The following ANKRD12 variants were observed in gnomAD, a reference collection of about 807,000 sequenced individuals.
ANKRD12 encodes ankyrin repeat domain-containing protein 12.
A neutral mutation model predicts 183.4 loss-of-function variants in ANKRD12; 85 were observed. The ratio of observed to expected loss-of-function variants is 0.46; its 90% CI spans 0.39 to 0.56. ANKRD12 has a LOEUF of 0.56. Among genes scored for constraint, ANKRD12 ranks in the 20% least tolerant of loss-of-function variants. The pLI is 0.00. For synonymous variants in ANKRD12, 914 were observed against 800.2 expected (o/e 1.14, Z -2.40); for missense variants, 2,405 against 2,357.1 (o/e 1.02, Z -0.42).
At chr18:9,186,896 T>C (rs1010458744) in intron 2 of ANKRD12, among the ~76,000 whole-genome samples, 2 of 151,456 alleles carry the variant, frequency 1.3e-5, no homozygotes, top group African/African-American at 4.9e-5. Flanking sequence ...GGACTACAGG[T>C]GCCCGCCACC....
At chr18:9,152,976 C>T (rs2078732420) in intron 1 of ANKRD12, among the ~76,000 whole-genome samples, 1 of 151,930 alleles carries the variant, frequency 6.6e-6, no homozygotes, top group Non-Finnish European at 1.5e-5. Context: ...CCATATGTTA[C>T]ATAATGTCCT....
At chr18:9,156,137 CAAAA>C (rs34154495) in intron 1 of ANKRD12, among the ~76,000 whole-genome samples, 5 of 104,092 alleles carry the variant, frequency 4.8e-5, no homozygotes, top group Admixed American at 1.1e-4. Flanking sequence ...GACTCTGTCT[CAAAA>C]AAAAAAAAAA....
At chr18:9,230,311 A>G (rs1004297761) in intron 8 of ANKRD12, among the ~76,000 whole-genome samples, 10 of 152,180 alleles carry the variant, frequency 6.6e-5, no homozygotes, top group African/African-American at 1.9e-4. Flanking sequence ...TATTTCTGTG[A>G]TATCAGTTGT....
intron 4 of ANKRD12, among the ~76,000 whole-genome samples, chr18:9,206,689 AAT>A (rs1307517516): frequency 1.3e-5 from 2 of 152,042 alleles, no homozygotes; most frequent in African/African-American, 4.8e-5. Context: ...AAATATTTGG[AAT>A]ATATCCAATT....
Position 9,256,311 on chromosome 18 carries a change from A to G in ANKRD12, c.3044A>G (p.Lys1015Arg), listed in dbSNP as rs553050035. The G allele has an allele frequency of 5.6e-6, 9 of 1,596,316 alleles. No homozygotes were observed. Among genetic ancestry groups the G allele is most frequent in the Non-Finnish European group, 7.7e-6 (9 of 1,173,824 alleles). ...GAACCTTTGAAAACTCCAGATGGAA[A>G]AGAAAAAGATAAAAAAGATAAAGAT... is the stretch of plus-strand genomic sequence containing the variant. Reference protein sequence around the residue: ...KDEPLKTPDGKEKDKKDKDID... With the variant: ...KDEPLKTPDGREKDKKDKDID... Residue 1015 changes from lysine (K) to arginine (R), a missense_variant, in exon 9 of 13, where the codon AAA becomes AGA. Lys to Arg is a conservative substitution (Grantham distance 26). Transcript: ENST00000262126.
chr18:9,170,231 C>G (rs545999857), intron 1 of ANKRD12, among the ~76,000 whole-genome samples: 25 of 152,244 alleles, frequency 1.6e-4, no homozygotes, highest in Admixed American at 2.6e-4. Context: ...GTGGCATTCT[C>G]TGTATTTCCT....
intron 10 of ANKRD12, among the ~76,000 whole-genome samples, chr18:9,275,303 A>AAT (rs36011042): frequency 0.38 from 57,321 of 150,214 alleles, 13,641 homozygotes; most frequent in Non-Finnish European, 0.51. Flanking sequence ...TGTCTCTAAA[A>AAT]ATATATATAT....
chr18:9,180,067 A>G (rs150686301), intron 1 of ANKRD12, among the ~76,000 whole-genome samples: 2 of 152,286 alleles, frequency 1.3e-5, no homozygotes, highest in East Asian at 3.9e-4. Context: ...TGAAGCCTCC[A>G]GCTGTAGTTA....
At chr18:9,217,841 A>G (rs2036197888) in intron 7 of ANKRD12, among the ~76,000 whole-genome samples, 1 of 152,118 alleles carries the variant, frequency 6.6e-6, no homozygotes, top group Non-Finnish European at 1.5e-5. Flanking sequence ...TTACTCTGGA[A>G]CTGCTTGTCA....
chr18:9,247,540 A>ATC (rs2038035106), intron 8 of ANKRD12, among the ~76,000 whole-genome samples: 1 of 152,180 alleles, frequency 6.6e-6, no homozygotes, highest in Admixed American at 6.5e-5. Context: ...CTACAATATT[A>ATC]TCATATTTAG....
chr18:9,185,810 C>T (rs1386437951), intron 2 of ANKRD12, among the ~76,000 whole-genome samples: 3 of 152,128 alleles, frequency 2.0e-5, no homozygotes, highest in African/African-American at 4.8e-5. Flanking sequence ...AGAGTCTGCA[C>T]TGCCAAATGC....
rs563008266 is a variant in ANKRD12 at position 9,209,175 on chromosome 18, C to T, written c.451+372C>T. 5.3e-5 allele frequency among the ~76,000 whole-genome samples: 8 copies of T among 152,032 alleles called. No individual in the cohort carries two copies. In the South Asian group the frequency reaches 1.7e-3, roughly 32 times the overall value. ...ATGTTTATTTATATACTGTGTTCTC[C>T]AAAAATAATTGATGATGACTTACCA... On this transcript the variant is annotated intron_variant, in intron 5 of 12. Coordinates refer to ENST00000262126, the MANE Select transcript of ANKRD12 (RefSeq NM_015208.5).
At position 9,256,633 on chromosome 18, in the gene ANKRD12, TAAAGAA is replaced by T; in HGVS notation, c.3370_3375del (p.Glu1124_Lys1125del). 1 of 1,605,740 alleles carries T rather than the reference TAAAGAA, an allele frequency of 6.2e-7. No homozygotes were observed. Among genetic ancestry groups the T allele is most frequent in the South Asian group, 1.1e-5 (1 of 88,664 alleles). ...ACTGTTTAGAACTTAAAATAAAAGATAAAGAAAAAACAAAGCATACACCAACTGAAT... is the reference window on the plus strand; with the variant it reads ...ACTGTTTAGAACTTAAAATAAAAGATAAAACAAAGCATACACCAACTGAAT... On this transcript the variant is annotated inframe_deletion, in exon 9 of 13. Transcript: ENST00000262126.
chr18:9,260,281 A>G (rs778748681), intron 9 of ANKRD12: 1 of 152,222 alleles, frequency 6.6e-6, no homozygotes, highest in Non-Finnish European at 1.5e-5. Context: ...CCTGATAACA[A>G]TAACTGTAAT....
At chr18:9,223,259 C>CTTT (rs35340216) in intron 8 of ANKRD12, among the ~76,000 whole-genome samples, 1 of 144,670 alleles carries the variant, frequency 6.9e-6, no homozygotes, top group Non-Finnish European at 1.5e-5. Flanking sequence ...ACCTCTCTCT[C>CTTT]TTTTTTTTTT....
At chr18:9,171,622 A>G (rs1252935102) in intron 1 of ANKRD12, among the ~76,000 whole-genome samples, 1 of 152,152 alleles carries the variant, frequency 6.6e-6, no homozygotes, top group Non-Finnish European at 1.5e-5. Context: ...CTTTCAAGAC[A>G]ATGATGAATA....
Position 9,285,033 on chromosome 18 carries a change from C to G in ANKRD12, c.*3907C>G, listed in dbSNP as rs552475827. On this transcript the variant is annotated 3_prime_UTR_variant, in exon 13 of 13. Transcript: ENST00000262126. ...CATCCTGGCTAACACGGTGAAACCC[C>G]GTCTCTACTAAACAAAATGCAAAAA... The G allele has an allele frequency of 6.6e-6, 1 of 151,904 alleles. No individual in the cohort carries two copies. Among genetic ancestry groups the G allele is most frequent in the Non-Finnish European group, 1.5e-5 (1 of 67,990 alleles). The allele number at this position is 151,904 out of a possible 1,614,324, so 9.4% of individuals were successfully genotyped here.
intron 1 of ANKRD12, among the ~76,000 whole-genome samples, chr18:9,181,471 C>T (rs185302278): frequency 3.9e-5 from 6 of 152,278 alleles, no homozygotes; most frequent in Non-Finnish European, 7.4e-5. Context: ...GTAATCTTGT[C>T]GGTCATTCTG....
Position 9,257,617 on chromosome 18 carries a change from T to G in ANKRD12, c.4350T>G (p.Ser1450Arg), listed in dbSNP as rs2038715553. 1 of 1,613,750 alleles carries G rather than the reference T, an allele frequency of 6.2e-7. No homozygotes were observed. Among genetic ancestry groups the G allele is most frequent in the African/African-American group, 1.3e-5 (1 of 74,814 alleles). ...NIPDQESSLQ[S>R]FCNSENKVLK... ...CTGATCAAGAATCCTCTCTTCAGAGTTTTTGTAATTCTGAAAATAAGGTAT... is the reference window on the plus strand; with the variant it reads ...CTGATCAAGAATCCTCTCTTCAGAGGTTTTGTAATTCTGAAAATAAGGTAT... The change falls in exon 9 of 13, where the codon AGT becomes AGG. Residue 1450 changes from serine to arginine, a missense_variant. This residue lies in a region of ANKRD12 where 1,983 missense variants were observed against 1,725.9 expected (regional missense o/e 1.15). Coordinates refer to ENST00000262126, the MANE Select transcript of ANKRD12 (RefSeq NM_015208.5).
Sources: allele counts gnomAD v4.1 joint callset (sites outside exome capture counted in the v4.1 genomes callset), GRCh38; gene constraint gnomAD v4.1.1; regional missense constraint gnomAD v4.1.1; transcripts MANE v1.5; gene names NCBI Gene and HGNC (gene_info 2026-07-23, HGNC 2026-07-21).